Variants in DENND4C observed in about 807,000 individuals in gnomAD.
DENND4C encodes DENN domain-containing protein 4C.
Under a neutral mutation model 203.0 loss-of-function variants are expected in DENND4C, and 108 were observed. The ratio of observed to expected loss-of-function variants is 0.53; its 90% CI spans 0.46 to 0.62. The LOEUF (loss-of-function observed/expected upper bound fraction) is 0.62, where lower values mean the gene tolerates loss of function less well. Ranked by LOEUF, DENND4C falls within the 20% of genes least tolerant of loss-of-function variation. DENND4C has a pLI of 0.00. For synonymous variants in DENND4C, 871 were observed against 792.4 expected, an observed-to-expected ratio of 1.10 and a Z score of -1.67; for missense variants, 2,481 against 2,301.2, an observed-to-expected ratio of 1.08 and a Z score of -1.60.
At chr9:19,357,200 A>G (rs191239479) in intron 27 of DENND4C, 46 bp downstream of exon 27, 20 of 1,597,272 alleles carry the variant, frequency 1.3e-5, no homozygotes, top group Non-Finnish European at 1.6e-5. Flanking sequence ...TAAATGGGGT[A>G]CCCTTGTAAA....
chr9:19,322,731 C>CA (rs35416492), intron 12 of DENND4C, among the ~76,000 whole-genome samples: 704 of 65,222 alleles, frequency 0.011, 8 homozygotes, highest in East Asian at 0.048. Flanking sequence ...GACTTCATCT[C>CA]AAAAAAAAAA....
chr9:19,352,384 C>T, intron 25 of DENND4C, 106 bp from the exon 26 acceptor site: 1 of 1,208,446 alleles, frequency 8.3e-7, no homozygotes, highest in Non-Finnish European at 1.1e-6. Context: ...ATTAATAATT[C>T]CAAATTTGAT....
chr9:19,262,073 GTTCTTTTTT>G (rs1829496496), intron 1 of DENND4C, among the ~76,000 whole-genome samples: 2 of 73,944 alleles, frequency 2.7e-5, no homozygotes, highest in African/African-American at 9.0e-5. Flanking sequence ...GAATTTATTA[GTTCTTTTTT>G]TTTTTTTTTT....
At chr9:19,304,110 A>G (rs1250357895) in intron 9 of DENND4C, among the ~76,000 whole-genome samples, 1 of 139,690 alleles carries the variant, frequency 7.2e-6, no homozygotes, top group East Asian at 2.1e-4. Context: ...GAAAATGGGT[A>G]AAGATTCTTG....
intron 26 of DENND4C, among the ~76,000 whole-genome samples, chr9:19,353,757 A>G (rs1309732949): frequency 6.6e-6 from 1 of 151,964 alleles, no homozygotes; most frequent in African/African-American, 2.4e-5. Context: ...ACATGGCAAA[A>G]CCCCATCTCT....
At chr9:19,243,369 G>A (rs1329008344) in intron 1 of DENND4C, among the ~76,000 whole-genome samples, 2 of 152,116 alleles carry the variant, frequency 1.3e-5, no homozygotes, top group South Asian at 2.1e-4. Flanking sequence ...AACATAACAT[G>A]AAATTTGCCA....
At chr9:19,250,507 C>T (rs1424768120) in intron 1 of DENND4C, among the ~76,000 whole-genome samples, 4 of 152,064 alleles carry the variant, frequency 2.6e-5, no homozygotes, top group East Asian at 1.9e-4. Context: ...AGATTACAAA[C>T]GTGAGTCGCT....
intron 22 of DENND4C, among the ~76,000 whole-genome samples, chr9:19,345,025 A>T (rs1272431239): frequency 6.6e-6 from 1 of 152,076 alleles, no homozygotes; most frequent in Admixed American, 6.5e-5. Flanking sequence ...TGATCAAATT[A>T]TCTTTCAAAG....
intron 22 of DENND4C, 67 bp from the exon 23 acceptor site, chr9:19,345,852 CAA>C: frequency 7.4e-7 from 1 of 1,343,706 alleles, no homozygotes; most frequent in East Asian, 2.3e-5. Flanking sequence ...ATCAGGAAAA[CAA>C]TAAATATTTT....
chr9:19,360,166 C>T (rs1826164586), intron 28 of DENND4C, 78 bp from the exon 29 acceptor site: 3 of 1,383,742 alleles, frequency 2.2e-6, no homozygotes, highest in Non-Finnish European at 3.0e-6. Flanking sequence ...GATAGAGAGG[C>T]ATTATCTCAT....
intron 6 of DENND4C, among the ~76,000 whole-genome samples, chr9:19,297,776 C>T (rs1434170713): frequency 6.6e-6 from 1 of 152,040 alleles, no homozygotes; most frequent in East Asian, 1.9e-4. Flanking sequence ...TATAAAAATT[C>T]ACTTCTTTCA....
At chr9:19,279,440 G>A (rs909372784) in intron 2 of DENND4C, among the ~76,000 whole-genome samples, 20 of 151,930 alleles carry the variant, frequency 1.3e-4, no homozygotes, top group South Asian at 2.1e-4. Flanking sequence ...TTTGGGAGGC[G>A]GAGGCAAGCC....
intron 1 of DENND4C, among the ~76,000 whole-genome samples, chr9:19,237,381 T>TC (rs1822242879): frequency 6.6e-6 from 1 of 151,914 alleles, no homozygotes; most frequent in African/African-American, 2.4e-5. Flanking sequence ...AGGCAGAGTC[T>TC]CGCTCTATCA....
At chr9:19,298,191 C>G (rs1303785328) in intron 7 of DENND4C, 69 bp downstream of exon 7, 6 of 1,408,072 alleles carry the variant, frequency 4.3e-6, no homozygotes, top group Non-Finnish European at 5.9e-6. Flanking sequence ...AGAGTGGATT[C>G]TGTATACCTT....
intron 1 of DENND4C, among the ~76,000 whole-genome samples, chr9:19,247,292 T>C (rs73423068): frequency 0.031 from 4,766 of 152,330 alleles, 240 homozygotes; most frequent in African/African-American, 0.11. Context: ...TTGACAATTC[T>C]TTGAGTATCT....
At chr9:19,340,591 G>A (rs1360553564) in intron 20 of DENND4C, among the ~76,000 whole-genome samples, 2 of 151,946 alleles carry the variant, frequency 1.3e-5, no homozygotes, top group Non-Finnish European at 2.9e-5. Context: ...CCCAACCCTG[G>A]TAGGTAACCA....
At chr9:19,319,255 A>G (rs1685721330) in intron 12 of DENND4C, among the ~76,000 whole-genome samples, 2 of 146,172 alleles carry the variant, frequency 1.4e-5, no homozygotes, top group Non-Finnish European at 3.0e-5. Context: ...ATATAAACAT[A>G]TGTATAAACA....
chr9:19,241,358 G>T (rs937292419), intron 1 of DENND4C, among the ~76,000 whole-genome samples: 2 of 151,922 alleles, frequency 1.3e-5, no homozygotes, highest in Non-Finnish European at 2.9e-5. Flanking sequence ...TCCTTATTCT[G>T]TAAGCTTTTT....
At position 19,316,646 on chromosome 9, in the gene DENND4C, A is replaced by G. The variant is rs1254868957; in HGVS notation, c.1614A>G (p.Ser538=). The part of the protein sequence containing the change: ...SSVHQKTQEG[S]AIDMTPIEAD... ...TTCACCAAAAAACTCAAGAAGGCTC[A>G]GCGATTGACATGACTCCAATTGAAG... Residue 538 remains serine (S), a synonymous_variant, in exon 12 of 33, where the codon TCA becomes TCG. Coordinates refer to ENST00000434457, the MANE Select transcript of DENND4C (RefSeq NM_001330640.2). 5.0e-6 allele frequency: 8 copies of G among 1,614,036 alleles called. No individual in the cohort carries two copies. The highest frequency in any genetic ancestry group is 6.8e-6 in the Non-Finnish European group (8 of 1,179,988).
Sources: allele counts gnomAD v4.1 joint callset (sites outside exome capture counted in the v4.1 genomes callset), GRCh38; gene constraint gnomAD v4.1.1; transcripts MANE v1.5; gene names NCBI Gene and HGNC (gene_info 2026-07-23, HGNC 2026-07-21).